The following SPAG16 variants were observed in gnomAD, a reference collection of about 807,000 sequenced individuals.
SPAG16 encodes the protein sperm associated antigen 16, also known as sperm-associated antigen 16 protein.
SPAG16 carries 86 observed loss-of-function variants against 80.4 expected under a neutral mutation model. That is an observed-to-expected ratio of 1.07 (90% CI 0.90 to 1.28). The LOEUF (loss-of-function observed/expected upper bound fraction) is 1.28, where lower values mean the gene tolerates loss of function less well. Ranked by LOEUF, SPAG16 falls within the 50% of genes most tolerant of loss-of-function variation. The pLI, the probability that SPAG16 is intolerant of heterozygous loss-of-function variation, is 0.00. For missense variants in SPAG16, 870 were observed against 765.3 expected, an observed-to-expected ratio of 1.14 and a Z score of -1.61; for synonymous variants, 294 against 265.9, an observed-to-expected ratio of 1.11 and a Z score of -1.03.
At chr2:214,364,427 A>G (rs1371681818) in intron 15 of SPAG16, among the ~76,000 whole-genome samples, 1 of 152,138 alleles carries the variant, frequency 6.6e-6, no homozygotes, top group Non-Finnish European at 1.5e-5. Context: ...TAATAAGTCT[A>G]TTATAGGTGA....
chr2:213,533,141 GA>G (rs1308407558), intron 10 of SPAG16, among the ~76,000 whole-genome samples: 2 of 152,092 alleles, frequency 1.3e-5, no homozygotes, highest in African/African-American at 4.8e-5. Flanking sequence ...GATATTAAAT[GA>G]AAATTAGCAC....
Position 213,322,137 on chromosome 2 carries a change from A to G in SPAG16, c.536+4781A>G, listed in dbSNP as rs1486823972. ...AAAAGATTATAAAACACCACTTAGAATTGTATCTTTCACAGTTTAGACACT... is the reference window on the plus strand; with the variant it reads ...AAAAGATTATAAAACACCACTTAGAGTTGTATCTTTCACAGTTTAGACACT... On this transcript the variant is annotated intron_variant, in intron 5 of 15. Coordinates refer to ENST00000331683, the MANE Select transcript of SPAG16 (RefSeq NM_024532.5). 2.0e-5 allele frequency among the ~76,000 whole-genome samples: 3 copies of G among 151,558 alleles called. No individual in the cohort carries two copies. In the East Asian group the frequency reaches 5.8e-4, roughly 29 times the overall value.
intron 10 of SPAG16, among the ~76,000 whole-genome samples, chr2:213,790,306 C>T (rs2070612500): frequency 6.6e-6 from 1 of 151,836 alleles, no homozygotes; most frequent in Non-Finnish European, 1.5e-5. Flanking sequence ...TTTAACTCCT[C>T]ATCTCCAACT....
At chr2:214,236,462 G>C (rs1384324387) in intron 15 of SPAG16, among the ~76,000 whole-genome samples, 1 of 152,080 alleles carries the variant, frequency 6.6e-6, no homozygotes, top group Non-Finnish European at 1.5e-5. Flanking sequence ...GACCAACCTG[G>C]CCAACATAGC....
chr2:213,976,204 A>G (rs2045386367), intron 12 of SPAG16, among the ~76,000 whole-genome samples: 2 of 150,292 alleles, frequency 1.3e-5, no homozygotes, highest in African/African-American at 2.4e-5. Context: ...GTATATATAC[A>G]CATACATATG....
intron 13 of SPAG16, among the ~76,000 whole-genome samples, chr2:214,025,605 G>A (rs2048088148): frequency 2.0e-5 from 3 of 151,478 alleles, no homozygotes; most frequent in African/African-American, 4.8e-5. Flanking sequence ...AAGTGTTTCC[G>A]GCATTCTGCT....
At chr2:213,924,751 T>TA (rs1343735787) in intron 11 of SPAG16, among the ~76,000 whole-genome samples, 3 of 152,218 alleles carry the variant, frequency 2.0e-5, no homozygotes. Flanking sequence ...TGTTTCTTTT[T>TA]AGCCAAACTG....
chr2:213,632,812 G>A (rs894326160), intron 10 of SPAG16, among the ~76,000 whole-genome samples: 1 of 152,078 alleles, frequency 6.6e-6, no homozygotes, highest in African/African-American at 2.4e-5. Context: ...GCATTCTAGG[G>A]ATAAATCCCA....
At chr2:213,840,222 T>C (rs2074300165) in intron 10 of SPAG16, among the ~76,000 whole-genome samples, 1 of 152,202 alleles carries the variant, frequency 6.6e-6, no homozygotes, top group South Asian at 2.1e-4. Flanking sequence ...TAACCATATA[T>C]AGGCCAAATC....
chr2:213,861,732 A>C (rs2075475191), intron 10 of SPAG16, among the ~76,000 whole-genome samples: 1 of 152,178 alleles, frequency 6.6e-6, no homozygotes, highest in Admixed American at 6.5e-5. Context: ...TTTGATTTTA[A>C]AATAGTTGAG....
At chr2:214,012,274 A>T (rs1559689580) in intron 12 of SPAG16, among the ~76,000 whole-genome samples, 1 of 43,954 alleles carries the variant, frequency 2.3e-5, no homozygotes, top group African/African-American at 8.9e-5. Context: ...ATATATATAT[A>T]TATATATATA....
At chr2:213,989,713 G>A (rs1042844314) in intron 12 of SPAG16, among the ~76,000 whole-genome samples, 38 of 152,120 alleles carry the variant, frequency 2.5e-4, no homozygotes, top group Non-Finnish European at 3.7e-4. Flanking sequence ...TTAATATTTA[G>A]CCAGCATTTT....
intron 10 of SPAG16, among the ~76,000 whole-genome samples, chr2:213,756,148 T>A (rs745330757): frequency 2.2e-4 from 33 of 151,730 alleles, no homozygotes; most frequent in Non-Finnish European, 3.7e-4. Flanking sequence ...TATTTAAACA[T>A]AAGTAATTTT....
intron 14 of SPAG16, among the ~76,000 whole-genome samples, chr2:214,133,138 A>AC (rs1162893479): frequency 6.7e-6 from 1 of 150,092 alleles, no homozygotes; most frequent in Non-Finnish European, 1.5e-5. Context: ...ATAAAAAAAA[A>AC]ACCTACCATT....
In SPAG16 at chr2:213,380,709, G is replaced by A. The variant is rs529663691; in HGVS notation, c.942+5590G>A. 2.6e-5 allele frequency among the ~76,000 whole-genome samples: 4 copies of A among 152,316 alleles called. No homozygotes were observed. The East Asian group carries it at 7.7e-4, about 29-fold the overall frequency. ...CTCAAAAGGAGAGTAGTTATCTGCA[G>A]AAGATGGCAGGGCCTTGCTCCATAA... On this transcript the variant is annotated intron_variant, in intron 9 of 15. Transcript: ENST00000331683.
intron 15 of SPAG16, among the ~76,000 whole-genome samples, chr2:214,175,493 A>C (rs2057049251): frequency 6.6e-6 from 1 of 151,132 alleles, no homozygotes; most frequent in Non-Finnish European, 1.5e-5. Context: ...TTTGAATTAA[A>C]GAAAAGAACA....
intron 12 of SPAG16, among the ~76,000 whole-genome samples, chr2:213,974,417 A>G (rs2106390347): frequency 6.6e-6 from 1 of 152,164 alleles, no homozygotes; most frequent in African/African-American, 2.4e-5. Context: ...TGCTTATTTT[A>G]AAACCCATCT....
chr2:213,754,619 T>C (rs1028802790), intron 10 of SPAG16, among the ~76,000 whole-genome samples: 22 of 152,016 alleles, frequency 1.4e-4, no homozygotes, highest in African/African-American at 5.3e-4. Context: ...TAAAAAACTT[T>C]CATATTTTAA....
intron 4 of SPAG16, among the ~76,000 whole-genome samples, chr2:213,313,814 C>T (rs1468205849): frequency 6.6e-6 from 1 of 151,706 alleles, no homozygotes; most frequent in South Asian, 2.1e-4. Context: ...AAGTGATAGT[C>T]GCGATAGTGC....
Sources: allele counts gnomAD v4.1 joint callset (sites outside exome capture counted in the v4.1 genomes callset), GRCh38; gene constraint gnomAD v4.1.1; transcripts MANE v1.5; gene names NCBI Gene and HGNC (gene_info 2026-07-23, HGNC 2026-07-21).